Variants in PTPRD observed in about 807,000 individuals in gnomAD.
PTPRD encodes protein tyrosine phosphatase receptor type D, also known as receptor-type tyrosine-protein phosphatase delta.
In PTPRD, 34 loss-of-function variants were observed where a neutral mutation model predicts 214.5. The observed-to-expected ratio is 0.16, with a 90% CI of 0.12 to 0.21. The LOEUF is 0.21. PTPRD is among the 10% of genes least tolerant of loss of function. PTPRD has a pLI of 1.00. For missense variants in PTPRD, 2,545 were observed against 2,398.7 expected (o/e 1.06, Z -1.27); for synonymous variants, 1,128 against 845.7 (o/e 1.33, Z -5.79).
intron 8 of PTPRD, among the ~76,000 whole-genome samples, chr9:9,571,869 T>A (rs1312492425): frequency 6.6e-6 from 1 of 151,208 alleles, no homozygotes; most frequent in Non-Finnish European, 1.5e-5. Context: ...ACAATTCTAA[T>A]GCAAATCTAT....
At chr9:10,076,017 G>A (rs901716358) in intron 3 of PTPRD, among the ~76,000 whole-genome samples, 3 of 152,042 alleles carry the variant, frequency 2.0e-5, no homozygotes, top group African/African-American at 7.2e-5. Flanking sequence ...TCTATTTTGA[G>A]TTCCTGACAA....
chr9:9,812,779 T>C (rs1281621756), intron 5 of PTPRD, among the ~76,000 whole-genome samples: 1 of 152,092 alleles, frequency 6.6e-6, no homozygotes, highest in Non-Finnish European at 1.5e-5. Flanking sequence ...CTATATCAAA[T>C]GGACCTTGGA....
At chr9:9,534,594 G>A (rs900953683) in intron 8 of PTPRD, among the ~76,000 whole-genome samples, 3 of 152,008 alleles carry the variant, frequency 2.0e-5, no homozygotes, top group African/African-American at 7.2e-5. Flanking sequence ...AAATAACATT[G>A]TAAGACACCA....
At chr9:9,827,773 A>G (rs1023727203) in intron 5 of PTPRD, among the ~76,000 whole-genome samples, 49 of 152,208 alleles carry the variant, frequency 3.2e-4, no homozygotes, top group African/African-American at 1.2e-3. Flanking sequence ...CAAAGGGCTA[A>G]TATCTAGAAT....
chr9:9,256,268 C>T (rs970735414), intron 9 of PTPRD, among the ~76,000 whole-genome samples: 2 of 151,898 alleles, frequency 1.3e-5, no homozygotes, highest in Non-Finnish European at 1.5e-5. Context: ...GGCTTTTAGC[C>T]TCTGTGGTTG....
chr9:9,338,726 AC>A (rs2045583791), intron 9 of PTPRD, among the ~76,000 whole-genome samples: 1 of 152,012 alleles, frequency 6.6e-6, no homozygotes, highest in Admixed American at 6.6e-5. Context: ...AAGTTTTGGG[AC>A]ACATGTGCAG....
At chr9:10,029,231 C>T (rs1355954100) in intron 4 of PTPRD, among the ~76,000 whole-genome samples, 1 of 152,178 alleles carries the variant, frequency 6.6e-6, no homozygotes, top group African/African-American at 2.4e-5. Flanking sequence ...GGGTGGGGTG[C>T]TCATGGAGAA....
At chr9:10,127,284 T>C (rs2098827089) in intron 3 of PTPRD, among the ~76,000 whole-genome samples, 1 of 152,212 alleles carries the variant, frequency 6.6e-6, no homozygotes, top group Admixed American at 6.5e-5. Context: ...CTGTCTGTAA[T>C]GGCCCACAAG....
At chr9:9,596,152 A>G (rs2093336085) in intron 7 of PTPRD, among the ~76,000 whole-genome samples, 1 of 151,936 alleles carries the variant, frequency 6.6e-6, no homozygotes, top group South Asian at 2.1e-4. Context: ...CATTATGCTT[A>G]AGTTAAACAA....
intron 5 of PTPRD, among the ~76,000 whole-genome samples, chr9:9,798,212 C>G (rs1226379593): frequency 6.6e-6 from 1 of 152,086 alleles, no homozygotes; most frequent in Non-Finnish European, 1.5e-5. Context: ...AACCTTTATT[C>G]ATTCCTCACT....
intron 2 of PTPRD, among the ~76,000 whole-genome samples, chr9:10,445,182 G>C (rs78939612): frequency 2.0e-5 from 3 of 151,998 alleles, no homozygotes; most frequent in Non-Finnish European, 2.9e-5. Context: ...TGCACTTACA[G>C]GAGGAACTAA....
intron 11 of PTPRD, among the ~76,000 whole-genome samples, chr9:8,867,264 C>T (rs1217074704): frequency 2.6e-5 from 4 of 152,016 alleles, no homozygotes; most frequent in Non-Finnish European, 4.4e-5. Flanking sequence ...ATTATCCATG[C>T]AAGGAGATGA....
chr9:9,922,536 A>T (rs780988115), intron 5 of PTPRD, among the ~76,000 whole-genome samples: 3 of 152,106 alleles, frequency 2.0e-5, no homozygotes, highest in Admixed American at 6.6e-5. Flanking sequence ...TGAGACCTAC[A>T]GTAACAACTA....
intron 4 of PTPRD, among the ~76,000 whole-genome samples, chr9:9,953,008 T>G (rs2093591798): frequency 6.6e-6 from 1 of 152,152 alleles, no homozygotes; most frequent in African/African-American, 2.4e-5. Context: ...AAAAATCCTA[T>G]GCAAGAATGA....
intron 3 of PTPRD, among the ~76,000 whole-genome samples, chr9:10,195,021 C>G (rs1789889231): frequency 6.6e-6 from 1 of 150,896 alleles, no homozygotes; most frequent in Non-Finnish European, 1.5e-5. Context: ...TAACCTCTGC[C>G]TCCTGGGTTC....
intron 42 of PTPRD, 52 bp from the exon 43 acceptor site, chr9:8,339,099 T>C (rs1162245023): frequency 1.3e-6 from 2 of 1,537,528 alleles, no homozygotes; most frequent in East Asian, 2.3e-5. Flanking sequence ...AAGAACATTC[T>C]GTATATTATC....
chr9:10,074,390 C>A (rs1030287561), intron 3 of PTPRD, among the ~76,000 whole-genome samples: 1 of 152,056 alleles, frequency 6.6e-6, no homozygotes, highest in Non-Finnish European at 1.5e-5. Context: ...AAGAATATGG[C>A]TCTATTCCAG....
intron 9 of PTPRD, among the ~76,000 whole-genome samples, chr9:9,293,671 G>C (rs1951985612): frequency 6.6e-6 from 1 of 151,432 alleles, no homozygotes; most frequent in Non-Finnish European, 1.5e-5. Flanking sequence ...TATCTTCTAA[G>C]ACCTCAGTGG....
At chr9:9,506,380 C>G (rs1218436396) in intron 8 of PTPRD, among the ~76,000 whole-genome samples, 5 of 151,362 alleles carry the variant, frequency 3.3e-5, no homozygotes, top group African/African-American at 1.2e-4. Flanking sequence ...AAAAAAAAGA[C>G]TTTCCTAAGA....
Sources: gnomAD v4.1 joint callset for allele counts (sites outside exome capture counted in the v4.1 genomes callset) on GRCh38, gnomAD v4.1.1 for gene constraint, MANE v1.5 for transcripts, NCBI Gene and HGNC (gene_info 2026-07-23, HGNC 2026-07-21) for gene names.